The following GFRA1 variants were observed in gnomAD, a reference collection of about 807,000 sequenced individuals.
GFRA1 encodes the protein GDNF family receptor alpha-1.
In GFRA1, 16 loss-of-function variants were observed where a neutral mutation model predicts 51.6. The ratio of observed to expected loss-of-function variants is 0.31; its 90% CI spans 0.21 to 0.47. GFRA1 has a LOEUF of 0.47. Ranked by LOEUF, GFRA1 falls within the 20% of genes least tolerant of loss-of-function variation. GFRA1 has a pLI of 1.00. For missense variants in GFRA1, 530 were observed against 594.3 expected (o/e 0.89, Z 1.13); for synonymous variants, 270 against 241.3 (o/e 1.12, Z -1.10).
At chr10:116,118,612 G>A (rs1301640432) in intron 6 of GFRA1, among the ~76,000 whole-genome samples, 1 of 152,124 alleles carries the variant, frequency 6.6e-6, no homozygotes, top group Admixed American at 6.5e-5. Context: ...AAGAAATACA[G>A]GCTCTCTGTT....
At chr10:116,229,092 ACTC>A (rs1966519588) in intron 4 of GFRA1, among the ~76,000 whole-genome samples, 2 of 148,498 alleles carry the variant, frequency 1.3e-5, no homozygotes, top group Admixed American at 6.8e-5. Context: ...AGTCCTGCCG[ACTC>A]CTCGAGTTTA....
At chr10:116,274,541 C>A (rs1202331844), upstream of GFRA1, among the ~76,000 whole-genome samples, 1 of 152,212 alleles carries the variant, frequency 6.6e-6, no homozygotes, top group Admixed American at 6.5e-5. Flanking sequence ...AACCACACAT[C>A]AGCCAGGCGC....
At chr10:116,197,086 T>C (rs1250783763) in intron 5 of GFRA1, among the ~76,000 whole-genome samples, 1 of 151,958 alleles carries the variant, frequency 6.6e-6, no homozygotes, top group African/African-American at 2.4e-5. Flanking sequence ...TCCTGGATGA[T>C]TTCCTCTCAA....
chr10:116,206,437 A>C (rs974861725), intron 5 of GFRA1, among the ~76,000 whole-genome samples: 1 of 152,126 alleles, frequency 6.6e-6, no homozygotes, highest in African/African-American at 2.4e-5. Flanking sequence ...GCCCGTCACC[A>C]CAAGCCCACC....
At chr10:116,262,737 G>T (rs1021724345) in intron 4 of GFRA1, among the ~76,000 whole-genome samples, 6 of 152,170 alleles carry the variant, frequency 3.9e-5, no homozygotes, top group African/African-American at 1.4e-4. Context: ...AAAAGTAGTG[G>T]TCTGTGAAAG....
chr10:116,159,636 G>A (rs773907997), intron 5 of GFRA1, among the ~76,000 whole-genome samples: 6 of 152,140 alleles, frequency 3.9e-5, no homozygotes, highest in Non-Finnish European at 7.3e-5. Flanking sequence ...GGCTGGAAAC[G>A]AACACTCTGA....
chr10:116,073,579 T>C (rs1209386697), intron 9 of GFRA1, among the ~76,000 whole-genome samples: 1 of 152,174 alleles, frequency 6.6e-6, no homozygotes, highest in East Asian at 1.9e-4. Flanking sequence ...ATAGCGAACA[T>C]TCAGCATTAA....
At chr10:116,211,788 G>T in intron 4 of GFRA1, 143 bp from the exon 5 acceptor site, 1 of 688,496 alleles carries the variant, frequency 1.5e-6, no homozygotes, top group Non-Finnish European at 2.5e-6. Context: ...CTTTAACTCA[G>T]GAGGCAGTGC....
chr10:116,136,533 T>C (rs1467254257), intron 5 of GFRA1, among the ~76,000 whole-genome samples: 2 of 152,194 alleles, frequency 1.3e-5, no homozygotes, highest in Non-Finnish European at 2.9e-5. Flanking sequence ...GAAGACTAAT[T>C]GGAAGAGAAA....
chr10:116,204,786 G>A (rs1169303325), intron 5 of GFRA1, among the ~76,000 whole-genome samples: 1 of 152,166 alleles, frequency 6.6e-6, no homozygotes, highest in Admixed American at 6.5e-5. Flanking sequence ...ATACATACAT[G>A]AGGGATAAGT....
intron 5 of GFRA1, among the ~76,000 whole-genome samples, chr10:116,137,363 C>T (rs1232466038): frequency 1.3e-5 from 2 of 152,112 alleles, no homozygotes; most frequent in Non-Finnish European, 2.9e-5. Flanking sequence ...CCTCACAGTG[C>T]GGATTTCAGC....
In GFRA1 at chr10:116,272,118, C is replaced by A; in HGVS notation, c.-89G>T. On this transcript the variant is annotated 5_prime_UTR_variant, in exon 2 of 11. Transcript: ENST00000355422. The surrounding 1 kb of genome is among the most constrained non-coding windows in gnomAD (Gnocchi z 4.4). ...CGAGGGAGCTCAGCGTGCAGCGATC[C>A]CCGGACAGCTGTGCTGCTCTGGCCG... The A allele has an allele frequency of 9.0e-7, 1 of 1,113,396 alleles. No homozygotes were observed. The highest frequency in any genetic ancestry group is 1.3e-5 in the South Asian group (1 of 75,390). The allele number at this position is 1,113,396 out of a possible 1,614,324, so 69.0% of individuals were successfully genotyped here.
At chr10:116,201,761 A>G (rs3781550) in intron 5 of GFRA1, among the ~76,000 whole-genome samples, 32,671 of 151,972 alleles carry the variant, frequency 0.21, 3,588 homozygotes, top group South Asian at 0.27. Flanking sequence ...TGCCTTGTAC[A>G]AACCTGGGCA....
chr10:116,210,217 A>G (rs1006157845), intron 5 of GFRA1, among the ~76,000 whole-genome samples: 5 of 152,160 alleles, frequency 3.3e-5, no homozygotes, highest in African/African-American at 1.2e-4. Context: ...CATTGTGTGT[A>G]GAAAAGCCAG....
chr10:116,093,269 T>A lies in GFRA1; in HGVS notation c.1015+433A>T, dbSNP rs892847267. 4.6e-5 allele frequency among the ~76,000 whole-genome samples: 7 copies of A among 152,322 alleles called. No homozygotes were observed. In the East Asian group the frequency reaches 5.8e-4, roughly 13 times the overall value. Reference sequence around the variant, plus strand: ...GAGAGTCCTTGGAGGCCTATCCCCATCTAATTTGTCTGAGCTTCTCACATT... The same window carrying A: ...GAGAGTCCTTGGAGGCCTATCCCCAACTAATTTGTCTGAGCTTCTCACATT... On this transcript the variant is annotated intron_variant, in intron 8 of 10. Transcript: ENST00000355422.
chr10:116,253,492 C>A (rs1242865241), intron 4 of GFRA1, among the ~76,000 whole-genome samples: 1 of 152,252 alleles, frequency 6.6e-6, no homozygotes, highest in Non-Finnish European at 1.5e-5. Flanking sequence ...CCTGTAGTCC[C>A]AGCTACTGGG....
chr10:116,088,468 G>A (rs1956187778), intron 9 of GFRA1, among the ~76,000 whole-genome samples: 1 of 152,102 alleles, frequency 6.6e-6, no homozygotes, highest in African/African-American at 2.4e-5. Flanking sequence ...GAGGCTCCTG[G>A]GTTCCCAGTG....
intron 5 of GFRA1, among the ~76,000 whole-genome samples, chr10:116,174,413 A>T (rs1315964280): frequency 6.6e-6 from 1 of 152,188 alleles, no homozygotes; most frequent in Non-Finnish European, 1.5e-5. Flanking sequence ...TTTAGTCACG[A>T]GAATCATTCT....
At chr10:116,133,508 C>T (rs1291608671) in intron 5 of GFRA1, among the ~76,000 whole-genome samples, 4 of 152,152 alleles carry the variant, frequency 2.6e-5, no homozygotes, top group Admixed American at 6.5e-5. Context: ...ATCATCTGAG[C>T]GTTTTCATAC....
Sources: gnomAD v4.1 joint callset for allele counts (sites outside exome capture counted in the v4.1 genomes callset) on GRCh38, gnomAD v4.1.1 for gene constraint, Gnocchi (gnomAD v3.1) non-coding constraint, MANE v1.5 for transcripts, NCBI Gene and HGNC (gene_info 2026-07-23, HGNC 2026-07-21) for gene names.